The following ABCC12 variants were observed in gnomAD, a reference collection of about 807,000 sequenced individuals.
The protein encoded by ABCC12 is ATP-binding cassette sub-family C member 12.
In ABCC12, 142 loss-of-function variants were observed where a neutral mutation model predicts 151.1. The ratio of observed to expected loss-of-function variants is 0.94; its 90% CI spans 0.82 to 1.08. ABCC12 has a LOEUF of 1.08. ABCC12 is among the 50% of genes least tolerant of loss of function. ABCC12 has a pLI of 0.00. For missense variants in ABCC12, 1,638 were observed against 1,691.1 expected (o/e 0.97, Z 0.55); for synonymous variants, 645 against 646.4 (o/e 1.00, Z 0.03).
At chr16:48,150,116 G>A (rs377289655) in intron 2 of ABCC12, among the ~76,000 whole-genome samples, 2 of 152,154 alleles carry the variant, frequency 1.3e-5, no homozygotes, top group Non-Finnish European at 2.9e-5. Context: ...GCCTGTTCAA[G>A]CAGTCAGATA....
chr16:48,149,264 G>A (rs76912031), intron 2 of ABCC12, among the ~76,000 whole-genome samples: 168 of 119,114 alleles, frequency 1.4e-3, no homozygotes, highest in African/African-American at 4.3e-3. Flanking sequence ...AAAAAAAAAA[G>A]GTAGGCAAGG....
chr16:48,144,316 G>A (rs1964927257), intron 3 of ABCC12, among the ~76,000 whole-genome samples: 1 of 152,200 alleles, frequency 6.6e-6, no homozygotes, highest in Non-Finnish European at 1.5e-5. Context: ...AATTACCTAA[G>A]TTTTAATAAA....
chr16:48,104,057 G>T, intron 22 of ABCC12, 85 bp downstream of exon 22: 2 of 1,384,384 alleles, frequency 1.4e-6, no homozygotes, highest in Non-Finnish European at 9.9e-7. Flanking sequence ...AGTAAAGACA[G>T]CAAGCACTCC....
chr16:48,100,077 A>G (rs1963249816), intron 23 of ABCC12, among the ~76,000 whole-genome samples: 1 of 151,388 alleles, frequency 6.6e-6, no homozygotes, highest in Admixed American at 6.6e-5. Context: ...CTCCTGCCTC[A>G]GCCTCCCAAG....
rs142478393 is a variant in ABCC12, at chr16:48,141,348, C to T, written c.281G>A (p.Arg94Gln). 1.0e-4 allele frequency: 167 copies of T among 1,613,596 alleles called. No homozygotes were observed. Among genetic ancestry groups the T allele is most frequent in the Non-Finnish European group, 1.2e-4 (142 of 1,179,974 alleles). ...TGCTACCTCTTCATCCCAAAGGACT[C>T]GAAATCTGTGATGAAAAAACAGAAG... ...DSSDTNAKRF[R>Q]VLWDEEVARV... The change falls in exon 5 of 31, where the codon CGA becomes CAA. Residue 94 changes from arginine to glutamine, a missense_variant. Physicochemically the swap from Arg to Gln is conservative, Grantham distance 43 (BLOSUM62 1). Transcript: ENST00000311303.
In ABCC12 at chr16:48,111,798, T is replaced by C; in HGVS notation, c.2102A>G (p.Asn701Ser). The C allele has an allele frequency of 6.2e-7, 1 of 1,614,132 alleles. No homozygotes were observed. Among genetic ancestry groups the C allele is most frequent in the Admixed American group, 1.7e-5 (1 of 60,024 alleles). The part of the protein sequence containing the change: ...ERGRYAKLIH[N>S]LRGLQFKDPE... ...TACCTTGAACTGCAATCCTCGCAGG[T>C]TGTGAATCAGTTTTGCATAGCGCCC... Residue 701 changes from asparagine (N) to serine (S), a missense_variant, in exon 16 of 31, where the codon AAC (asparagine) becomes AGC (serine). Asn to Ser is a conservative substitution (Grantham distance 46). Transcript: ENST00000311303.
chr16:48,152,394 T>C (rs1486644608), intron 2 of ABCC12, among the ~76,000 whole-genome samples: 1 of 152,214 alleles, frequency 6.6e-6, no homozygotes, highest in Non-Finnish European at 1.5e-5. Flanking sequence ...ACGGTCTTTC[T>C]ACCACATGTC....
intron 11 of ABCC12, 94 bp downstream of exon 11, chr16:48,128,365 A>G: frequency 2.0e-6 from 3 of 1,520,540 alleles, no homozygotes; most frequent in Non-Finnish European, 2.7e-6. Context: ...CACCACCTTC[A>G]GCTCTAACTG....
intron 28 of ABCC12, 116 bp from the exon 29 acceptor site, chr16:48,085,822 C>T: frequency 1.2e-6 from 1 of 817,864 alleles, no homozygotes; most frequent in South Asian, 1.6e-5. Context: ...TTTACTGTGG[C>T]AAAGAAAGTG....
At chr16:48,136,903 G>A (rs1964630083) in intron 8 of ABCC12, among the ~76,000 whole-genome samples, 2 of 152,214 alleles carry the variant, frequency 1.3e-5, no homozygotes, top group Non-Finnish European at 2.9e-5. Context: ...TGATGTCAGA[G>A]AGGTCACCAA....
intron 23 of ABCC12, 79 bp from the exon 24 acceptor site, chr16:48,096,981 A>C (rs754774686): frequency 1.3e-6 from 2 of 1,578,216 alleles, no homozygotes; most frequent in East Asian, 4.5e-5. Context: ...TGTGCTGTAG[A>C]CTTAAGGTTA....
intron 24 of ABCC12, among the ~76,000 whole-genome samples, chr16:48,095,820 C>G (rs1438816234): frequency 1.3e-5 from 2 of 152,138 alleles, no homozygotes; most frequent in African/African-American, 4.8e-5. Context: ...CAGCATCAAA[C>G]AGAACACATG....
Position 48,104,148 on chromosome 16 carries a change from A to G in ABCC12, c.2894T>C (p.Leu965Pro). The change falls in exon 22 of 31, where the codon CTG becomes CCG. Residue 965 changes from leucine (L) to proline (P), a missense_variant. Transcript: ENST00000311303. Reference protein sequence around the residue: ...VASLAVGFFILLRIFHRGVQE... With the variant: ...VASLAVGFFIPLRIFHRGVQE... ...AAATAGCACATGGGCCTACCGTAACAGAATGAAGAAGCCTACAGCAAGGCT... is the reference window on the plus strand; with the variant it reads ...AAATAGCACATGGGCCTACCGTAACGGAATGAAGAAGCCTACAGCAAGGCT... 1 of 1,613,882 alleles carries G rather than the reference A, an allele frequency of 6.2e-7. No individual in the cohort carries two copies. Among genetic ancestry groups the G allele is most frequent in the South Asian group, 1.1e-5 (1 of 91,056 alleles).
At chr16:48,105,463 G>T in intron 20 of ABCC12, 127 bp from the exon 21 acceptor site, 1 of 947,546 alleles carries the variant, frequency 1.1e-6, no homozygotes, top group Non-Finnish European at 1.6e-6. Flanking sequence ...GAATGAGTCA[G>T]GTGGATACAA....
intron 15 of ABCC12, among the ~76,000 whole-genome samples, chr16:48,112,821 T>C (rs911015148): frequency 5.9e-5 from 9 of 152,292 alleles, no homozygotes; most frequent in Middle Eastern, 3.4e-3. Context: ...GAGGAATTTA[T>C]GCCAGCTTTA....
rs28453927 is a variant in ABCC12, at chr16:48,106,326, G to A, written c.2476-990C>T. Among the ~76,000 whole-genome samples, 1,020 of 152,206 alleles carry A rather than the reference G, an allele frequency of 6.7e-3. 6 individuals are homozygous for A. Among genetic ancestry groups the A allele is most frequent in the African/African-American group, 0.023 (942 of 41,524 alleles). On this transcript the variant is annotated intron_variant, in intron 20 of 30. Coordinates refer to ENST00000311303, the MANE Select transcript of ABCC12 (RefSeq NM_001393797.1). ...AACCACCGTGGCTGCATGTCTGGGA[G>A]GGCAGGGGCAAACACATAGTGTCCA...
intron 15 of ABCC12, among the ~76,000 whole-genome samples, chr16:48,113,180 C>T (rs376425939): frequency 2.0e-5 from 3 of 152,154 alleles, no homozygotes; most frequent in Non-Finnish European, 4.4e-5. Context: ...TAGCTGTGTT[C>T]GGTCATTGTA....
chr16:48,092,335 G>A (rs1339578400), intron 24 of ABCC12, among the ~76,000 whole-genome samples: 1 of 152,216 alleles, frequency 6.6e-6, no homozygotes, highest in Non-Finnish European at 1.5e-5. Context: ...ACCGCTGTGG[G>A]CAACTGAGAG....
chr16:48,155,618 G>A (rs1174509484), intron 1 of ABCC12, among the ~76,000 whole-genome samples: 2 of 152,120 alleles, frequency 1.3e-5, no homozygotes, highest in Admixed American at 6.5e-5. Context: ...TTATGATAGC[G>A]GGGGCTCCAA....
Sources: allele counts gnomAD v4.1 joint callset (sites outside exome capture counted in the v4.1 genomes callset), GRCh38; gene constraint gnomAD v4.1.1; transcripts MANE v1.5; gene names NCBI Gene and HGNC (gene_info 2026-07-23, HGNC 2026-07-21).